GRB14: variants seen among roughly 807,000 people sequenced by gnomAD.
GRB14 encodes growth factor receptor bound protein 14, also known as growth factor receptor-bound protein 14.
Under a neutral mutation model 69.1 loss-of-function variants are expected in GRB14, and 38 were observed. The observed-to-expected ratio is 0.55, with a 90% CI of 0.42 to 0.72. GRB14 has a LOEUF of 0.72. Ranked by LOEUF, GRB14 falls within the 30% of genes least tolerant of loss-of-function variation. GRB14 has a pLI of 0.00. For missense variants in GRB14, 666 were observed against 666.1 expected (o/e 1.00, Z 0.00); for synonymous variants, 247 against 241.3 (o/e 1.02, Z -0.22).
chr2:164,598,511 T>C (rs1263693521), intron 2 of GRB14, among the ~76,000 whole-genome samples: 1 of 152,206 alleles, frequency 6.6e-6, no homozygotes, highest in African/African-American at 2.4e-5. Flanking sequence ...GGAATGTAAC[T>C]TTTTATAATC....
At chr2:164,573,183 A>C (rs1039290480) in intron 2 of GRB14, among the ~76,000 whole-genome samples, 3 of 152,158 alleles carry the variant, frequency 2.0e-5, no homozygotes, top group Admixed American at 6.5e-5. Flanking sequence ...TTTTCCACTC[A>C]ACACAAATAT....
intron 3 of GRB14, among the ~76,000 whole-genome samples, chr2:164,533,185 T>C (rs893583203): frequency 1.3e-5 from 2 of 151,978 alleles, no homozygotes; most frequent in Non-Finnish European, 2.9e-5. Flanking sequence ...AATTGCTCTT[T>C]CATGCTCCTG....
chr2:164,513,646 C>T (rs562635417), intron 6 of GRB14, among the ~76,000 whole-genome samples: 41 of 152,202 alleles, frequency 2.7e-4, no homozygotes, highest in African/African-American at 9.4e-4. Context: ...GATGAGTTTG[C>T]AGATTGAATG....
intron 13 of GRB14, 148 bp from the exon 14 acceptor site, chr2:164,493,330 GT>G (rs34511564): frequency 0.33 from 207,416 of 622,402 alleles, 38,540 homozygotes; most frequent in East Asian, 0.61. Context: ...ATATCTACTT[GT>G]TTTTTTTAAC....
At chr2:164,524,208 A>G (rs1687710269) in intron 5 of GRB14, among the ~76,000 whole-genome samples, 1 of 152,106 alleles carries the variant, frequency 6.6e-6, no homozygotes, top group Non-Finnish European at 1.5e-5. Flanking sequence ...ATCAGGGGAT[A>G]CTGAGTGGGT....
At chr2:164,493,227 C>A (rs761756830) in intron 13 of GRB14, 45 bp from the exon 14 acceptor site, 3 of 1,569,258 alleles carry the variant, frequency 1.9e-6, no homozygotes, top group African/African-American at 2.7e-5. Flanking sequence ...ATAAATTACA[C>A]AGAAGGACAA....
intron 3 of GRB14, among the ~76,000 whole-genome samples, chr2:164,536,644 A>G (rs1022629222): frequency 6.6e-6 from 1 of 152,290 alleles, no homozygotes; most frequent in East Asian, 1.9e-4. Context: ...GATTTTATTC[A>G]ATCGTCACCA....
At chr2:164,519,665 G>A (rs1687585750) in intron 6 of GRB14, among the ~76,000 whole-genome samples, 1 of 152,074 alleles carries the variant, frequency 6.6e-6, no homozygotes, top group Admixed American at 6.6e-5. Context: ...CAAAGTTTCA[G>A]CATACAAAAT....
intron 2 of GRB14, among the ~76,000 whole-genome samples, chr2:164,605,228 AC>A (rs144231994): frequency 0.012 from 1,850 of 152,244 alleles, 38 homozygotes; most frequent in African/African-American, 0.042. Context: ...AGGACTTGGT[AC>A]CCAACTGGAT....
intron 2 of GRB14, among the ~76,000 whole-genome samples, chr2:164,553,890 G>A (rs1007853353): frequency 3.9e-5 from 6 of 152,062 alleles, no homozygotes; most frequent in Non-Finnish European, 8.8e-5. Context: ...GGAGGCGGAG[G>A]TTGCGGTGAG....
rs188950251 is a variant in GRB14 at position 164,501,232 on chromosome 2, G to A, written c.1104+1023C>T. ...TTATTCTTCCATAAGTTAAAGTGAC[G>A]TAACTACAAAATTGGAGTTCTTTTT... On this transcript the variant is annotated intron_variant, in intron 9 of 13. Coordinates refer to ENST00000263915, the MANE Select transcript of GRB14 (RefSeq NM_004490.3). 4.8e-4 allele frequency among the ~76,000 whole-genome samples: 73 copies of A among 152,056 alleles called. 1 individual carries two copies. Among genetic ancestry groups the A allele is most frequent in the Middle Eastern group, 6.8e-3 (2 of 292 alleles).
intron 2 of GRB14, among the ~76,000 whole-genome samples, chr2:164,550,016 A>T (rs1241496352): frequency 1.3e-5 from 2 of 152,186 alleles, no homozygotes; most frequent in African/African-American, 4.8e-5. Flanking sequence ...AAGTAGTACA[A>T]GGAGGGAATA....
intron 2 of GRB14, chr2:164,568,234 A>G (rs1249478140): frequency 3.9e-6 from 3 of 778,188 alleles, no homozygotes. Flanking sequence ...AAAGCTTCCT[A>G]TGTATTAATA....
At chr2:164,606,194 A>G (rs1574351790) in intron 2 of GRB14, among the ~76,000 whole-genome samples, 1 of 152,094 alleles carries the variant, frequency 6.6e-6, no homozygotes, top group East Asian at 1.9e-4. Context: ...CACATCCCAT[A>G]TGCATATATG....
At chr2:164,574,265 G>A (rs566777865) in intron 2 of GRB14, among the ~76,000 whole-genome samples, 70 of 144,298 alleles carry the variant, frequency 4.9e-4, no homozygotes, top group African/African-American at 1.7e-3. Context: ...TTTTTGAGAC[G>A]GAGCCTCACA....
chr2:164,502,393 G>A, intron 8 of GRB14, 58 bp from the exon 9 acceptor site: 1 of 947,960 alleles, frequency 1.1e-6, no homozygotes, highest in Middle Eastern at 2.2e-4. Context: ...GATAATCTAT[G>A]AAAATCAACA....
intron 2 of GRB14, among the ~76,000 whole-genome samples, chr2:164,603,813 T>C (rs1689984096): frequency 6.6e-6 from 1 of 151,866 alleles, no homozygotes; most frequent in Non-Finnish European, 1.5e-5. Flanking sequence ...ATAAACAAAG[T>C]TAAAGCAAGT....
rs150965104 is a variant in GRB14 at position 164,504,934 on chromosome 2, G to C, written c.1024-2599C>G. ...TGGCAGTGTGAGAAATACTTGCTGT[G>C]ACAGTGTTGGCTTTGAAGATGTTGA... On this transcript the variant is annotated intron_variant, in intron 8 of 13. Coordinates refer to ENST00000263915, the MANE Select transcript of GRB14 (RefSeq NM_004490.3). Among the ~76,000 whole-genome samples, 396 of 152,298 alleles carry C rather than the reference G, an allele frequency of 2.6e-3. 1 individual carries two copies. Among genetic ancestry groups the C allele is most frequent in the African/African-American group, 9.1e-3 (380 of 41,578 alleles).
At chr2:164,620,973 G>A (rs547329018) in intron 1 of GRB14, 146 bp downstream of exon 1, 17 of 584,568 alleles carry the variant, frequency 2.9e-5, no homozygotes, top group African/African-American at 2.9e-4. Context: ...GATCCGGTAG[G>A]AGCCAGCTCA....
Sources: allele counts gnomAD v4.1 joint callset (sites outside exome capture counted in the v4.1 genomes callset), GRCh38; gene constraint gnomAD v4.1.1; transcripts MANE v1.5; gene names NCBI Gene and HGNC (gene_info 2026-07-23, HGNC 2026-07-21).